Variants in TNS3 observed in about 807,000 individuals in gnomAD.
The protein encoded by TNS3 is tensin-3.
A neutral mutation model predicts 140.9 loss-of-function variants in TNS3; 45 were observed. That is an observed-to-expected ratio of 0.32 (90% confidence interval 0.25 to 0.41). The LOEUF is 0.41. TNS3 is among the 10% of genes least tolerant of loss of function. TNS3 has a pLI of 1.00. For synonymous variants in TNS3, 815 were observed against 788.4 expected, an observed-to-expected ratio of 1.03 and a Z score of -0.56; for missense variants, 1,716 against 1,906.7, an observed-to-expected ratio of 0.90 and a Z score of 1.86.
chr7:47,282,145 C>T (rs949647088), intron 28 of TNS3, among the ~76,000 whole-genome samples: 1 of 151,630 alleles, frequency 6.6e-6, no homozygotes, highest in African/African-American at 2.4e-5. Flanking sequence ...AACGGGAACC[C>T]TGAGTGAGCC....
chr7:47,515,967 C>A (rs1433963832), intron 2 of TNS3, among the ~76,000 whole-genome samples: 4 of 152,208 alleles, frequency 2.6e-5, no homozygotes, highest in Non-Finnish European at 5.9e-5. Context: ...TCCACCTCAC[C>A]TCCACCACGC....
chr7:47,416,909 C>G (rs546128254), intron 10 of TNS3, among the ~76,000 whole-genome samples: 1 of 152,326 alleles, frequency 6.6e-6, no homozygotes, highest in African/African-American at 2.4e-5. Flanking sequence ...GCCCTCCTTC[C>G]AGCACGGGGC....
At chr7:47,307,849 G>A (rs928436433) in intron 20 of TNS3, among the ~76,000 whole-genome samples, 1 of 152,002 alleles carries the variant, frequency 6.6e-6, no homozygotes, top group African/African-American at 2.4e-5. Flanking sequence ...TTAGATGCAA[G>A]TCCCTTATCA....
chr7:47,381,815 T>C (rs1791778098), intron 16 of TNS3, among the ~76,000 whole-genome samples: 1 of 152,248 alleles, frequency 6.6e-6, no homozygotes, highest in South Asian at 2.1e-4. Context: ...TAAAGGGTAT[T>C]GGCTAACCCA....
chr7:47,481,694 T>C (rs536832056), intron 3 of TNS3: 14 of 985,364 alleles, frequency 1.4e-5, no homozygotes, highest in Admixed American at 1.2e-4. Flanking sequence ...AGAGGAGACT[T>C]TGACTCCACC....
chr7:47,401,935 T>C (rs1458396292), intron 13 of TNS3, among the ~76,000 whole-genome samples: 1 of 152,250 alleles, frequency 6.6e-6, no homozygotes. Flanking sequence ...ACCCCGAGGC[T>C]GTGGGGTAGT....
intron 17 of TNS3, among the ~76,000 whole-genome samples, chr7:47,366,355 A>T (rs1790697868): frequency 6.6e-6 from 1 of 152,190 alleles, no homozygotes; most frequent in Non-Finnish European, 1.5e-5. Flanking sequence ...ACATACAAAG[A>T]GGGAGTTACT....
At chr7:47,437,560 A>T (rs1795245716) in intron 6 of TNS3, among the ~76,000 whole-genome samples, 1 of 151,736 alleles carries the variant, frequency 6.6e-6, no homozygotes, top group South Asian at 2.1e-4. Context: ...GAAAAGATTG[A>T]AAAATACAGA....
chr7:47,574,335 TC>T (rs1273180983), intron 1 of TNS3, among the ~76,000 whole-genome samples: 3 of 152,076 alleles, frequency 2.0e-5, no homozygotes, highest in African/African-American at 7.2e-5. Context: ...GTAAGAAGTC[TC>T]CCTCTTCCTT....
At chr7:47,517,623 C>T (rs334529) in intron 2 of TNS3, among the ~76,000 whole-genome samples, 52,974 of 152,122 alleles carry the variant, frequency 0.35, 10,740 homozygotes, top group Non-Finnish European at 0.46. Context: ...GTCCTGGACA[C>T]CTACAACAGG....
At chr7:47,403,967 G>C (rs1388345594) in intron 13 of TNS3, among the ~76,000 whole-genome samples, 2 of 152,188 alleles carry the variant, frequency 1.3e-5, no homozygotes, top group Admixed American at 6.5e-5. Flanking sequence ...GTAAAGATTA[G>C]ACTGATTCAA....
intron 3 of TNS3, among the ~76,000 whole-genome samples, chr7:47,504,152 G>T (rs888202372): frequency 2.6e-5 from 4 of 152,182 alleles, no homozygotes; most frequent in African/African-American, 9.7e-5. Context: ...TGCATGGCCT[G>T]GCCTGAGAGG....
intron 3 of TNS3, among the ~76,000 whole-genome samples, chr7:47,492,070 G>A (rs1797834915): frequency 6.6e-6 from 1 of 152,258 alleles, no homozygotes; most frequent in Middle Eastern, 3.2e-3. Context: ...TGAAGAAGCT[G>A]TAGGGGCCTA....
chr7:47,417,542 T>G (rs1275239916), intron 10 of TNS3, among the ~76,000 whole-genome samples: 2 of 152,192 alleles, frequency 1.3e-5, no homozygotes, highest in African/African-American at 2.4e-5. Context: ...TTCTCAACAG[T>G]CATCACCTCC....
chr7:47,451,231 C>T (rs1240034662), intron 4 of TNS3, among the ~76,000 whole-genome samples: 1 of 152,192 alleles, frequency 6.6e-6, no homozygotes, highest in Non-Finnish European at 1.5e-5. Flanking sequence ...GGCCTGTGCG[C>T]TGCTCCTAGC....
At chr7:47,448,566 G>A (rs1009153072) in intron 4 of TNS3, among the ~76,000 whole-genome samples, 3 of 145,284 alleles carry the variant, frequency 2.1e-5, no homozygotes, top group Non-Finnish European at 4.4e-5. Flanking sequence ...TGCAACCTCT[G>A]CCTCCTGGGT....
chr7:47,345,204 C>G (rs1789264836), intron 18 of TNS3, among the ~76,000 whole-genome samples, 166 bp from the exon 19 acceptor site: 1 of 152,190 alleles, frequency 6.6e-6, no homozygotes, highest in Non-Finnish European at 1.5e-5. Flanking sequence ...ACCAGCCCGC[C>G]TCTCCTAGCC....
At chr7:47,404,672 G>A (rs368019485) in intron 13 of TNS3, among the ~76,000 whole-genome samples, 2 of 151,874 alleles carry the variant, frequency 1.3e-5, no homozygotes, top group Non-Finnish European at 2.9e-5. Context: ...GGATCACAAG[G>A]TCAGGAGATC....
intron 20 of TNS3, among the ~76,000 whole-genome samples, chr7:47,308,127 G>T (rs993176681): frequency 6.6e-6 from 1 of 152,124 alleles, no homozygotes; most frequent in African/African-American, 2.4e-5. Flanking sequence ...TTTACACATG[G>T]TGTGAGGCAT....
Sources: allele counts gnomAD v4.1 joint callset (sites outside exome capture counted in the v4.1 genomes callset), GRCh38; gene constraint gnomAD v4.1.1; transcripts MANE v1.5; gene names NCBI Gene and HGNC (gene_info 2026-07-23, HGNC 2026-07-21).